The following KAT2B variants were observed in gnomAD, a reference collection of about 807,000 sequenced individuals.
KAT2B encodes lysine acetyltransferase 2B.
KAT2B carries 36 observed loss-of-function variants against 105.9 expected under a neutral mutation model. The observed-to-expected ratio is 0.34, with a 90% CI of 0.26 to 0.45. The LOEUF (loss-of-function observed/expected upper bound fraction) is 0.45. KAT2B is among the 20% of genes least tolerant of loss of function. The probability of loss-of-function intolerance (pLI) is 1.00; values close to 1 mark genes in which losing one functional copy is unlikely to be tolerated. For synonymous variants in KAT2B, 397 were observed against 377.9 expected (o/e 1.05, Z -0.59); for missense variants, 820 against 1,021.6 (o/e 0.80, Z 2.69).
intron 2 of KAT2B, among the ~76,000 whole-genome samples, chr3:20,075,912 A>AT (rs1211977693): frequency 6.6e-6 from 1 of 151,618 alleles, no homozygotes; most frequent in Non-Finnish European, 1.5e-5. Context: ...CATCTCAAAA[A>AT]AAAAAAAAAA....
intron 10 of KAT2B, 109 bp from the exon 11 acceptor site, chr3:20,127,314 G>C: frequency 2.0e-6 from 2 of 987,476 alleles, no homozygotes; most frequent in East Asian, 4.8e-5. Context: ...AGTTTCTATA[G>C]AAACTTAGGA....
chr3:20,145,335 A>G (rs554243233), intron 13 of KAT2B, among the ~76,000 whole-genome samples: 6 of 152,298 alleles, frequency 3.9e-5, no homozygotes, highest in African/African-American at 1.4e-4. Context: ...TTTACTAGGA[A>G]TATACTTTTA....
intron 1 of KAT2B, among the ~76,000 whole-genome samples, chr3:20,061,333 C>G (rs376843877): frequency 6.6e-6 from 1 of 152,202 alleles, no homozygotes. Context: ...TATATAATAG[C>G]CCTTTGAATG....
chr3:20,150,919 A>G (rs532610826), intron 17 of KAT2B, among the ~76,000 whole-genome samples: 173 of 152,294 alleles, frequency 1.1e-3, no homozygotes, highest in African/African-American at 4.1e-3. Flanking sequence ...AAAACATTAT[A>G]CATATTATAT....
chr3:20,132,801 C>T (rs767371939), intron 11 of KAT2B, among the ~76,000 whole-genome samples: 31 of 152,098 alleles, frequency 2.0e-4, no homozygotes, highest in South Asian at 2.1e-4. Context: ...ACCAAAGAAC[C>T]ATTGTTGTTC....
At chr3:20,086,415 A>G (rs1305357200) in intron 2 of KAT2B, among the ~76,000 whole-genome samples, 3 of 152,150 alleles carry the variant, frequency 2.0e-5, no homozygotes, top group Non-Finnish European at 4.4e-5. Context: ...CCTGGGCAAC[A>G]TGGTGAAACT....
intron 4 of KAT2B, among the ~76,000 whole-genome samples, chr3:20,100,351 T>C (rs1449097323): frequency 6.6e-6 from 1 of 152,096 alleles, no homozygotes; most frequent in African/African-American, 2.4e-5. Flanking sequence ...TGAAAAACAT[T>C]GTAAGTCAAG....
At chr3:20,123,376 A>C (rs1434094154) in intron 9 of KAT2B, among the ~76,000 whole-genome samples, 1 of 152,214 alleles carries the variant, frequency 6.6e-6, no homozygotes, top group Non-Finnish European at 1.5e-5. Flanking sequence ...AATATTTTCT[A>C]ATACAGGGTT....
chr3:20,089,841 TTTG>T (rs147209233), intron 2 of KAT2B, among the ~76,000 whole-genome samples: 2,498 of 152,206 alleles, frequency 0.016, 75 homozygotes, highest in African/African-American at 0.057. Flanking sequence ...GTTTTGATAG[TTTG>T]TTGTTAGTAT....
chr3:20,054,815 T>C (rs532910778), intron 1 of KAT2B, among the ~76,000 whole-genome samples: 10 of 152,260 alleles, frequency 6.6e-5, no homozygotes, highest in African/African-American at 1.9e-4. Context: ...TAACCCAGGA[T>C]TGGCACATAC....
chr3:20,142,884 C>T (rs372947222), intron 13 of KAT2B, among the ~76,000 whole-genome samples: 3 of 135,960 alleles, frequency 2.2e-5, no homozygotes, highest in African/African-American at 7.5e-5. Context: ...TATCTATGTG[C>T]CTGTGTGTGT....
intron 7 of KAT2B, among the ~76,000 whole-genome samples, chr3:20,116,045 T>G (rs1699201676): frequency 6.6e-6 from 1 of 152,156 alleles, no homozygotes; most frequent in Admixed American, 6.5e-5. Context: ...TTGTTTGAGC[T>G]CATTACCAAA....
intron 4 of KAT2B, chr3:20,100,968 A>G (rs1698899665): frequency 6.1e-6 from 2 of 327,932 alleles, no homozygotes; most frequent in Non-Finnish European, 5.6e-6. Flanking sequence ...TATTCTGCAC[A>G]ACAGTCATAT....
At chr3:20,085,426 A>G (rs1698595200) in intron 2 of KAT2B, among the ~76,000 whole-genome samples, 1 of 152,118 alleles carries the variant, frequency 6.6e-6, no homozygotes, top group African/African-American at 2.4e-5. Flanking sequence ...GAGGTAACGT[A>G]TTGTATAGTC....
In KAT2B at chr3:20,109,283, CAGATAGATAGATAGAT is replaced by C. The variant is rs111929078; in HGVS notation, c.852-2286_852-2271del. Among the ~76,000 whole-genome samples the C allele has an allele frequency of 1.7e-3, 261 of 149,348 alleles. 1 individual carries two copies. Among genetic ancestry groups the C allele is most frequent in the African/African-American group, 6.1e-3 (248 of 40,406 alleles). ...ATTTGATCTGACTTCCCCTCAGCCC[CAGATAGATAGATAGAT>C]AGATAGATAGATAGATAGATAGATA... On this transcript the variant is annotated intron_variant, in intron 5 of 17. Coordinates refer to ENST00000263754, the MANE Select transcript of KAT2B (RefSeq NM_003884.5).
chr3:20,062,120 AC>A (rs1698127689), intron 1 of KAT2B, among the ~76,000 whole-genome samples: 2 of 96,904 alleles, frequency 2.1e-5, no homozygotes, highest in Non-Finnish European at 3.6e-5. Context: ...ATTATATAAA[AC>A]ATATATATAT....
chr3:20,107,140 C>G (rs1427650481), intron 5 of KAT2B, among the ~76,000 whole-genome samples: 2 of 143,892 alleles, frequency 1.4e-5, no homozygotes. Context: ...TCAAGCCATT[C>G]CCGTCTCTGC....
chr3:20,132,264 C>T (rs1404461664), intron 11 of KAT2B, among the ~76,000 whole-genome samples: 1 of 152,146 alleles, frequency 6.6e-6, no homozygotes, highest in Non-Finnish European at 1.5e-5. Context: ...ATCCCAGCTA[C>T]TCAGAGGCTG....
intron 1 of KAT2B, among the ~76,000 whole-genome samples, chr3:20,045,287 G>A (rs1697789217): frequency 6.6e-6 from 1 of 151,326 alleles, no homozygotes; most frequent in African/African-American, 2.4e-5. Context: ...CAAAGCGCTG[G>A]GATTACAGGT....
Sources: gnomAD v4.1 joint callset for allele counts (sites outside exome capture counted in the v4.1 genomes callset) on GRCh38, gnomAD v4.1.1 for gene constraint, MANE v1.5 for transcripts, NCBI Gene and HGNC (gene_info 2026-07-23, HGNC 2026-07-21) for gene names.